The following FXR2 variants were observed in gnomAD, a reference collection of about 807,000 sequenced individuals.
FXR2 encodes RNA-binding protein FXR2.
A neutral mutation model predicts 87.3 loss-of-function variants in FXR2; 9 were observed. That is an observed-to-expected ratio of 0.10 (90% CI 0.06 to 0.18). FXR2 has a LOEUF of 0.18. Ranked by LOEUF, FXR2 falls within the 10% of genes least tolerant of loss-of-function variation. The pLI, the probability that FXR2 is intolerant of heterozygous loss-of-function variation, is 1.00. For synonymous variants in FXR2, 331 were observed against 328.3 expected, an observed-to-expected ratio of 1.01 and a Z score of -0.09; for missense variants, 661 against 893.6, an observed-to-expected ratio of 0.74 and a Z score of 3.32.
At chr17:7,597,560 A>G (rs2071717788) in intron 7 of FXR2, among the ~76,000 whole-genome samples, 4 of 151,338 alleles carry the variant, frequency 2.6e-5, no homozygotes, top group African/African-American at 9.7e-5. Flanking sequence ...TGCTCACTGC[A>G]ACTTCTGCCT....
Position 7,592,006 on chromosome 17 carries a change from A to C in FXR2, c.1927-81T>G. On this transcript the variant is annotated intron_variant, in intron 16 of 16. Transcript: ENST00000250113. The surrounding 1 kb of genome is among the most constrained non-coding windows in gnomAD (Gnocchi z 4.8). ...AGGTGGGAGACATTCCCTACCATCC[A>C]AGCCCTCCTGGCATTTGGTGATCCA... is the stretch of plus-strand genomic sequence containing the variant. The C allele has an allele frequency of 8.3e-7, 1 of 1,197,700 alleles. No individual in the cohort carries two copies. The highest frequency in any genetic ancestry group is 1.2e-6 in the Non-Finnish European group (1 of 847,316). 74.2% of individuals were successfully genotyped at this position (1,197,700 alleles called of 1,614,324 possible).
rs1200266792 is a variant in FXR2, at chr17:7,595,396, C to T, written c.831+428G>A. On this transcript the variant is annotated intron_variant, in intron 8 of 16. Coordinates refer to ENST00000250113, the MANE Select transcript of FXR2 (RefSeq NM_004860.4). The surrounding 1 kb of genome is among the most constrained non-coding windows in gnomAD (Gnocchi z 4.7). ...CAGGCTCAAGTGATCCTCCTGCCTC[C>T]GCCTCCCAAGTAGCCAAGTAGCTGG... Among the ~76,000 whole-genome samples, 2 of 151,776 alleles carry T rather than the reference C, an allele frequency of 1.3e-5. No individual in the cohort carries two copies. The highest frequency in any genetic ancestry group is 2.9e-5 in the Non-Finnish European group (2 of 67,938).
rs1241627175 is a variant in FXR2 at position 7,595,593 on chromosome 17, TA to T, written c.831+230del. 8.5e-5 allele frequency among the ~76,000 whole-genome samples: 13 copies of T among 152,076 alleles called. No individual in the cohort carries two copies. The highest frequency in any genetic ancestry group is 3.1e-4 in the African/African-American group (13 of 41,402). Reference sequence around the variant, plus strand: ...CCTCCCAAGTACCTGCGACTACAGGTACGCACCACTACTTCCAGCTAATTTT... The same window carrying T: ...CCTCCCAAGTACCTGCGACTACAGGTCGCACCACTACTTCCAGCTAATTTT... On this transcript the variant is annotated intron_variant, in intron 8 of 16. Transcript: ENST00000250113. The surrounding 1 kb of genome is among the most constrained non-coding windows in gnomAD (Gnocchi z 4.7).
chr17:7,597,676 T>C (rs191325706), intron 7 of FXR2, among the ~76,000 whole-genome samples: 81 of 152,310 alleles, frequency 5.3e-4, no homozygotes, highest in African/African-American at 1.8e-3. Context: ...CCCAAAGTGC[T>C]GGGATTGCAG....
intron 1 of FXR2, among the ~76,000 whole-genome samples, chr17:7,612,396 G>A (rs910621137): frequency 2.0e-4 from 31 of 152,174 alleles, no homozygotes; most frequent in African/African-American, 6.8e-4. Context: ...ATCAAAAGCA[G>A]AAAGGAATTA....
Position 7,593,156 on chromosome 17 carries a change from A to G in FXR2, c.1356T>C (p.Ala452=). The part of the protein sequence containing the change: ...AYGPSSDVST[A]SETESEKREE... ...CTCTCTTCTCTGACTCAGTCTCTGA[A>G]GCTGTAGACACATCTGAGCTGGGGC... The change falls in exon 13 of 17, where the codon GCT becomes GCC. Residue 452 remains alanine (A), a synonymous_variant. Transcript: ENST00000250113. The surrounding 1 kb of genome is among the most constrained non-coding windows in gnomAD (Gnocchi z 6.1). 6.5e-7 allele frequency: 1 copy of G among 1,533,720 alleles called. No individual in the cohort carries two copies. Among genetic ancestry groups the G allele is most frequent in the Non-Finnish European group, 8.8e-7 (1 of 1,142,692 alleles).
In FXR2 at chr17:7,594,003, C is replaced by T. The variant is rs767339071; in HGVS notation, c.1022G>A (p.Gly341Glu). The T allele has an allele frequency of 6.3e-7, 1 of 1,584,356 alleles. No individual in the cohort carries two copies. The highest frequency in any genetic ancestry group is 1.1e-5 in the South Asian group (1 of 90,472). ...DNDKKNPREE[G>E]MVPFIFVGTR... ...GCCAACAAAAATGAAGGGAACCATT[C>T]CCTAGAGAACAGAGAGCAGAAACGA... The change falls in exon 11 of 17, where the codon GGA becomes GAA. Residue 341 changes from glycine to glutamate, a missense_variant and splice_region_variant. Coordinates refer to ENST00000250113, the MANE Select transcript of FXR2 (RefSeq NM_004860.4). The surrounding 1 kb of genome is among the most constrained non-coding windows in gnomAD (Gnocchi z 5.1).
chr17:7,600,713 A>G (rs1342080848), intron 7 of FXR2, among the ~76,000 whole-genome samples: 7 of 152,114 alleles, frequency 4.6e-5, no homozygotes, highest in Admixed American at 3.9e-4. Flanking sequence ...GTGAAACCCC[A>G]TCAATACTAA....
At position 7,594,434 on chromosome 17, in the gene FXR2, TC is replaced by T; in HGVS notation, c.911-88del. 1 of 817,922 alleles carries T rather than the reference TC, an allele frequency of 1.2e-6. No individual in the cohort carries two copies. The highest frequency in any genetic ancestry group is 2.6e-5 in the East Asian group (1 of 38,228). The allele number at this position is 817,922 out of a possible 1,614,324, so 50.7% of individuals were successfully genotyped here. A position where few individuals can be genotyped will look rare whatever the true frequency, so the allele number is the denominator to read the frequency against. ...GATACACCGTCTTCCAGCCTCATTT[TC>T]TTTATATGGATTCCATTTACTTCAT... On this transcript the variant is annotated intron_variant, in intron 9 of 16. Coordinates refer to ENST00000250113, the MANE Select transcript of FXR2 (RefSeq NM_004860.4). This position sits in a 1 kb window ranked among gnomAD's most constrained non-coding sequence, Gnocchi z 5.1.
chr17:7,603,286 G>C (rs1216190050), intron 5 of FXR2, among the ~76,000 whole-genome samples: 1 of 152,098 alleles, frequency 6.6e-6, no homozygotes, highest in Non-Finnish European at 1.5e-5. Context: ...CCAGCACTTT[G>C]GGAGGCTGAG....
intron 7 of FXR2, among the ~76,000 whole-genome samples, chr17:7,598,605 C>T (rs762666166): frequency 6.6e-6 from 1 of 152,110 alleles, no homozygotes; most frequent in Non-Finnish European, 1.5e-5. Context: ...TATCGGTCTC[C>T]CTTTGCTCAC....
At position 7,592,999 on chromosome 17, in the gene FXR2, A is replaced by C; in HGVS notation, c.1513T>G (p.Ser505Ala). ...TGTCTGGTACCTGAGCTAATAGATG[A>C]AGAATTGTATCTCGAAGTGGGCCGG... Reference protein sequence around the residue: ...APRPTSRYNSSSISSVLKDPD... With the variant: ...APRPTSRYNSASISSVLKDPD... Residue 505 changes from serine to alanine, a missense_variant, in exon 13 of 17, where the codon TCA becomes GCA. This residue lies in a region of FXR2 where 409 missense variants were observed against 432.0 expected (regional missense o/e 0.95). Coordinates refer to ENST00000250113, the MANE Select transcript of FXR2 (RefSeq NM_004860.4). This position sits in a 1 kb window ranked among gnomAD's most constrained non-coding sequence, Gnocchi z 4.8. The C allele has an allele frequency of 6.4e-7, 1 of 1,572,874 alleles. No homozygotes were observed. The highest frequency in any genetic ancestry group is 8.6e-7 in the Non-Finnish European group (1 of 1,161,540).
At chr17:7,601,085 A>G (rs1408426410) in intron 7 of FXR2, among the ~76,000 whole-genome samples, 1 of 151,816 alleles carries the variant, frequency 6.6e-6, no homozygotes, top group Non-Finnish European at 1.5e-5. Flanking sequence ...AGGCTGAGGC[A>G]TGAGAATCGC....
chr17:7,602,293 C>T (rs62059829), intron 6 of FXR2, among the ~76,000 whole-genome samples: 155 of 150,352 alleles, frequency 1.0e-3, no homozygotes, highest in Middle Eastern at 3.4e-3. Context: ...ATGTCGGGCG[C>T]GGTGGCTCAC....
chr17:7,591,405 A>C lies in FXR2; in HGVS notation c.*425T>G. On this transcript the variant is annotated 3_prime_UTR_variant, in exon 17 of 17. Transcript: ENST00000250113. This position sits in a 1 kb window ranked among gnomAD's most constrained non-coding sequence, Gnocchi z 4.0. ...CGTGCCTCCCACCCACTTATCTCTT[A>C]CTATCCCCGTCTTCCACAGTGATGA... 5.0e-6 allele frequency: 1 copy of C among 201,674 alleles called. No homozygotes were observed. Among genetic ancestry groups the C allele is most frequent in the Non-Finnish European group, 1.0e-5 (1 of 97,000 alleles). 12.5% of individuals were successfully genotyped at this position (201,674 alleles called of 1,614,324 possible). A position where few individuals can be genotyped will look rare whatever the true frequency, so the allele number is the denominator to read the frequency against.
In FXR2 at chr17:7,595,085, C is replaced by T. The variant is rs749320814; in HGVS notation, c.832-328G>A. Among the ~76,000 whole-genome samples the T allele has an allele frequency of 4.0e-5, 6 of 151,076 alleles. No homozygotes were observed. The highest frequency in any genetic ancestry group is 5.9e-5 in the Non-Finnish European group (4 of 67,824). On this transcript the variant is annotated intron_variant, in intron 8 of 16. Transcript: ENST00000250113. The surrounding 1 kb of genome is among the most constrained non-coding windows in gnomAD (Gnocchi z 4.7). ...GAGATTGTGCCACTGCACTCTAGCCCGGGCAACAGAGTGAGTTAGACTCCA... is the reference window on the plus strand; with the variant it reads ...GAGATTGTGCCACTGCACTCTAGCCTGGGCAACAGAGTGAGTTAGACTCCA...
chr17:7,594,820 C>G lies in FXR2; in HGVS notation c.832-63G>C. 1 of 983,000 alleles carries G rather than the reference C, an allele frequency of 1.0e-6. No individual in the cohort carries two copies. The highest frequency in any genetic ancestry group is 2.4e-5 in the East Asian group (1 of 42,060). The allele number at this position is 983,000 out of a possible 1,614,324, so 60.9% of individuals were successfully genotyped here. ...AAGACCAGCTGGATGTGGTGGCTCACGCCTGTAATCCCAGCACTTTGGGAG... is the reference window on the plus strand; with the variant it reads ...AAGACCAGCTGGATGTGGTGGCTCAGGCCTGTAATCCCAGCACTTTGGGAG... On this transcript the variant is annotated intron_variant, in intron 8 of 16. Coordinates refer to ENST00000250113, the MANE Select transcript of FXR2 (RefSeq NM_004860.4). This position sits in a 1 kb window ranked among gnomAD's most constrained non-coding sequence, Gnocchi z 5.1.
Position 7,591,503 on chromosome 17 carries a change from T to G in FXR2, c.*327A>C. The G allele has an allele frequency of 6.5e-6, 2 of 309,538 alleles. No homozygotes were observed. The highest frequency in any genetic ancestry group is 1.3e-5 in the Non-Finnish European group (2 of 159,830). The allele number at this position is 309,538 out of a possible 1,614,324, so 19.2% of individuals were successfully genotyped here. On this transcript the variant is annotated 3_prime_UTR_variant, in exon 17 of 17. Transcript: ENST00000250113. The surrounding 1 kb of genome is among the most constrained non-coding windows in gnomAD (Gnocchi z 4.0). ...GGCCCCCTGAACGGTCAAATCTGGG[T>G]GGGTCGAGGAGCACCCCCCACCAAC...
Position 7,592,069 on chromosome 17 carries a change from A to C in FXR2, c.1927-144T>G. 7.1e-7 allele frequency: 1 copy of C among 1,412,864 alleles called. No individual in the cohort carries two copies. Among genetic ancestry groups the C allele is most frequent in the Non-Finnish European group, 9.4e-7 (1 of 1,066,214 alleles). The allele number at this position is 1,412,864 out of a possible 1,614,324, so 87.5% of individuals were successfully genotyped here. A position where few individuals can be genotyped will look rare whatever the true frequency, so the allele number is the denominator to read the frequency against. On this transcript the variant is annotated intron_variant, in intron 16 of 16. Transcript: ENST00000250113. This position sits in a 1 kb window ranked among gnomAD's most constrained non-coding sequence, Gnocchi z 4.8. ...CTGATCTCATGATCCAGTCTCTCTT[A>C]CTTGGGATCCAGAAAATGTGAACCA...
Sources: allele counts gnomAD v4.1 joint callset (sites outside exome capture counted in the v4.1 genomes callset), GRCh38; gene constraint gnomAD v4.1.1; regional missense constraint gnomAD v4.1.1; non-coding constraint Gnocchi (gnomAD v3.1); transcripts MANE v1.5; gene names NCBI Gene and HGNC (gene_info 2026-07-23, HGNC 2026-07-21).